Variants in FGF14 observed in about 807,000 individuals in gnomAD.
FGF14 encodes fibroblast growth factor homologous factor 4.
A neutral mutation model predicts 25.5 loss-of-function variants in FGF14; 5 were observed. The ratio of observed to expected loss-of-function variants is 0.20; its 90% CI spans 0.10 to 0.41. FGF14 has a LOEUF of 0.41. Ranked by LOEUF, FGF14 falls within the 10% of genes least tolerant of loss-of-function variation. The pLI is 1.00. For missense variants in FGF14, 222 were observed against 320.1 expected, an observed-to-expected ratio of 0.69 and a Z score of 2.34; for synonymous variants, 138 against 118.3, an observed-to-expected ratio of 1.17 and a Z score of -1.08.
chr13:102,230,034 C>T (rs1228921159), intron 1 of FGF14, among the ~76,000 whole-genome samples: 1 of 152,130 alleles, frequency 6.6e-6, no homozygotes, highest in Non-Finnish European at 1.5e-5. Flanking sequence ...ATCCTCACCC[C>T]CAAGGTGATG....
chr13:101,933,525 A>T (rs774785689), intron 1 of FGF14, among the ~76,000 whole-genome samples: 2 of 152,150 alleles, frequency 1.3e-5, no homozygotes, highest in Non-Finnish European at 2.9e-5. Flanking sequence ...GGAATTCAAG[A>T]CCAGCCTGGC....
At chr13:102,020,584 A>G (rs960116631) in intron 1 of FGF14, among the ~76,000 whole-genome samples, 3 of 151,578 alleles carry the variant, frequency 2.0e-5, no homozygotes, top group East Asian at 1.9e-4. Context: ...AAGGAAACAA[A>G]AGAGAGAGAG....
chr13:101,717,770 G>T lies in FGF14; in HGVS notation c.*5061C>A, dbSNP rs2034781199. On this transcript the variant is annotated 3_prime_UTR_variant, in exon 5 of 5. Coordinates refer to ENST00000376143, the MANE Select transcript of FGF14 (RefSeq NM_004115.4). ...AGCAACTTAAGGGTGGATTTGGCTG[G>T]CAGCTGGGCAGTACTTTGTCAGCCT... 1.3e-5 allele frequency: 2 copies of T among 152,068 alleles called. No individual in the cohort carries two copies. The highest frequency in any genetic ancestry group is 2.4e-5 in the African/African-American group (1 of 41,430). 9.4% of individuals were successfully genotyped at this position (152,068 alleles called of 1,614,324 possible). A position where few individuals can be genotyped will look rare whatever the true frequency, so the allele number is the denominator to read the frequency against.
At chr13:102,017,530 A>T (rs565414216) in intron 1 of FGF14, among the ~76,000 whole-genome samples, 1 of 152,242 alleles carries the variant, frequency 6.6e-6, no homozygotes, top group Non-Finnish European at 1.5e-5. Flanking sequence ...TCTCTATAGA[A>T]GTCCTTATTA....
chr13:101,893,113 T>A (rs988546159), intron 1 of FGF14, among the ~76,000 whole-genome samples: 2 of 152,112 alleles, frequency 1.3e-5, no homozygotes, highest in Non-Finnish European at 2.9e-5. Context: ...AGGACTTAAT[T>A]GTGAGAGTAA....
intron 1 of FGF14, among the ~76,000 whole-genome samples, chr13:102,361,622 T>C (rs2057568620): frequency 6.6e-6 from 1 of 152,212 alleles, no homozygotes; most frequent in African/African-American, 2.4e-5. Flanking sequence ...CTTATTTGCC[T>C]TCCCTGCAAA....
chr13:101,801,064 C>T (rs12860748), intron 3 of FGF14, among the ~76,000 whole-genome samples: 3,721 of 152,236 alleles, frequency 0.024, 79 homozygotes, highest in African/African-American at 0.058. Context: ...ACAGCTACCT[C>T]GAAGCTGGCT....
intron 1 of FGF14, among the ~76,000 whole-genome samples, chr13:102,165,348 A>G (rs1268470959): frequency 6.6e-6 from 1 of 152,084 alleles, no homozygotes; most frequent in African/African-American, 2.4e-5. Context: ...TCATGCTGCT[A>G]TAAAGGCACA....
rs2050129081 is a variant in FGF14, at chr13:102,210,891, T to C, written c.208+190580A>G. Among the ~76,000 whole-genome samples, 4 of 152,218 alleles carry C rather than the reference T, an allele frequency of 2.6e-5. No individual in the cohort carries two copies. In the South Asian group the frequency reaches 8.3e-4, roughly 32 times the overall value. On this transcript the variant is annotated intron_variant, in intron 1 of 4. Transcript: ENST00000376131. ...TGGTATGGAGTCAAAATAATCATAG[T>C]CTCAATTGTAGCGTAAGCCGAATGC...
chr13:101,943,613 C>A (rs544515256), intron 1 of FGF14, among the ~76,000 whole-genome samples: 2 of 152,082 alleles, frequency 1.3e-5, no homozygotes, highest in East Asian at 3.9e-4. Context: ...CCCGACTCTG[C>A]CACTTACCCG....
At chr13:101,897,268 A>G (rs769327366) in intron 1 of FGF14, among the ~76,000 whole-genome samples, 6 of 152,198 alleles carry the variant, frequency 3.9e-5, no homozygotes, top group Non-Finnish European at 7.3e-5. Context: ...GTTAAGCAGA[A>G]TAGATAGAAT....
chr13:102,196,087 A>T (rs1395087046), intron 1 of FGF14, among the ~76,000 whole-genome samples: 2 of 152,222 alleles, frequency 1.3e-5, no homozygotes, highest in Non-Finnish European at 2.9e-5. Context: ...GATAAACTAA[A>T]CAGCATGTTC....
At chr13:101,870,548 T>A (rs1016963807) in intron 2 of FGF14, among the ~76,000 whole-genome samples, 1 of 152,330 alleles carries the variant, frequency 6.6e-6, no homozygotes, top group Non-Finnish European at 1.5e-5. Context: ...AAATAGATCA[T>A]GAATTCACCA....
At chr13:101,938,861 T>G (rs2035268140) in intron 1 of FGF14, among the ~76,000 whole-genome samples, 1 of 152,202 alleles carries the variant, frequency 6.6e-6, no homozygotes, top group Non-Finnish European at 1.5e-5. Context: ...TTTTAGAAAA[T>G]AAGATAACTT....
chr13:101,813,125 GT>G (rs201937345), intron 3 of FGF14, among the ~76,000 whole-genome samples: 1,643 of 152,244 alleles, frequency 0.011, 15 homozygotes, highest in Non-Finnish European at 0.017. Flanking sequence ...GTGAGAGTTG[GT>G]GACATCCTTA....
chr13:101,815,028 G>T (rs1246592075), intron 3 of FGF14, among the ~76,000 whole-genome samples: 1 of 152,170 alleles, frequency 6.6e-6, no homozygotes, highest in East Asian at 1.9e-4. Context: ...CAACAAGGTG[G>T]GTATCTATGC....
chr13:102,319,150 G>A (rs2056147622), intron 1 of FGF14, among the ~76,000 whole-genome samples: 1 of 152,178 alleles, frequency 6.6e-6, no homozygotes, highest in Admixed American at 6.5e-5. Context: ...CCTTCAAAAT[G>A]TCATGTGTAC....
intron 1 of FGF14, among the ~76,000 whole-genome samples, chr13:102,033,124 A>T (rs990297794): frequency 6.6e-6 from 1 of 152,140 alleles, no homozygotes; most frequent in African/African-American, 2.4e-5. Flanking sequence ...ATCCCTTTCC[A>T]TGAATCCATA....
At chr13:102,392,320 T>C (rs2058451303) in intron 1 of FGF14, among the ~76,000 whole-genome samples, 1 of 152,246 alleles carries the variant, frequency 6.6e-6, no homozygotes, top group South Asian at 2.1e-4. Context: ...ATTGCACTAC[T>C]TGACTCCTCA....
Sources: allele counts gnomAD v4.1 joint callset (sites outside exome capture counted in the v4.1 genomes callset), GRCh38; gene constraint gnomAD v4.1.1; transcripts MANE v1.5; gene names NCBI Gene and HGNC (gene_info 2026-07-23, HGNC 2026-07-21).